Variants in SSC5D observed in about 807,000 individuals in gnomAD.
SSC5D encodes soluble scavenger receptor cysteine-rich domain-containing protein SSC5D.
A neutral mutation model predicts 104.6 loss-of-function variants in SSC5D; 106 were observed. That is an observed-to-expected ratio of 1.01 (90% CI 0.87 to 1.19). The LOEUF (loss-of-function observed/expected upper bound fraction) is 1.19. SSC5D is among the 50% of genes most tolerant of loss of function. The pLI, the probability that SSC5D is intolerant of heterozygous loss-of-function variation, is 0.00. For missense variants in SSC5D, 1,993 were observed against 2,153.8 expected (o/e 0.93, Z 1.48); for synonymous variants, 860 against 883.5 (o/e 0.97, Z 0.47).
At chr19:55,491,454 A>G in intron 6 of SSC5D, 1 of 210,394 alleles carries the variant, frequency 4.8e-6, no homozygotes, top group South Asian at 1.0e-4. Context: ...CGGGCTGGCC[A>G]TGGCAGGGGA....
chr19:55,493,921 G>C lies in SSC5D; in HGVS notation c.1213+9G>C. On this transcript the variant is annotated intron_variant, in intron 7 of 13. Transcript: ENST00000389623. ...CGGGGCCGTGTGTGACGGTGAGGGG[G>C]TTGTGGTGGAGGACCGGGAGGTGGG... 6.5e-7 allele frequency: 1 copy of C among 1,539,350 alleles called. No individual in the cohort carries two copies. Among genetic ancestry groups the C allele is most frequent in the Non-Finnish European group, 8.7e-7 (1 of 1,145,708 alleles).
intron 12 of SSC5D, among the ~76,000 whole-genome samples, chr19:55,501,471 G>A (rs1987502768): frequency 1.3e-5 from 2 of 152,124 alleles, no homozygotes; most frequent in South Asian, 2.1e-4. Flanking sequence ...CAATATGCAA[G>A]CCTGGGGCCC....
rs984558636 is a variant in SSC5D at position 55,493,683 on chromosome 19, G to A, written c.984G>A (p.Val328=). 3.3e-6 allele frequency: 5 copies of A among 1,511,606 alleles called. No homozygotes were observed. The highest frequency in any genetic ancestry group is 2.8e-5 in the African/African-American group (2 of 70,538). 93.6% of individuals were successfully genotyped at this position (1,511,606 alleles called of 1,614,324 possible). A position where few individuals can be genotyped will look rare whatever the true frequency, so the allele number is the denominator to read the frequency against. Reference sequence around the variant, plus strand: ...GGCACGGGGGTCGCTGGGGGTCGGTGTGTGACGACGCCTGGGACCTGCGAG... The same window carrying A: ...GGCACGGGGGTCGCTGGGGGTCGGTATGTGACGACGCCTGGGACCTGCGAG... ...EVWHGGRWGS[V]CDDAWDLRDA... is the part of the protein sequence containing the mutation. Residue 328 remains valine (V), a synonymous_variant, in exon 7 of 14, where the codon GTG becomes GTA. Transcript: ENST00000389623.
intron 9 of SSC5D, among the ~76,000 whole-genome samples, chr19:55,499,091 C>T (rs575481946): frequency 7.9e-5 from 12 of 152,172 alleles, no homozygotes; most frequent in Non-Finnish European, 1.6e-4. Flanking sequence ...GACTTGGCCA[C>T]GTACATGTGG....
rs1200307114 is a variant in SSC5D, at chr19:55,518,135, C to G, written c.3859C>G (p.Pro1287Ala). The G allele has an allele frequency of 7.2e-7, 1 of 1,398,080 alleles. No individual in the cohort carries two copies. The highest frequency in any genetic ancestry group is 9.6e-7 in the Non-Finnish European group (1 of 1,043,772). 86.6% of individuals were successfully genotyped at this position (1,398,080 alleles called of 1,614,324 possible). The part of the protein sequence containing the change: ...PTTTPHPTTT[P>A]HPTTTPHPTT... ...CACGACCCCTCACCCCACCACGACT[C>G]CTCACCCCACCACAACCCCTCACCC... Residue 1287 changes from proline (P) to alanine (A), a missense_variant, in exon 14 of 14, where the codon CCT becomes GCT. Pro to Ala is a conservative substitution (Grantham distance 27, BLOSUM62 -1). Coordinates refer to ENST00000389623, the MANE Select transcript of SSC5D (RefSeq NM_001144950.2).
At chr19:55,489,692 G>A (rs1987077350) in intron 3 of SSC5D, 30 bp downstream of exon 3, 1 of 1,523,602 alleles carries the variant, frequency 6.6e-7, no homozygotes, top group Non-Finnish European at 8.8e-7. Context: ...TCCTTCAGGG[G>A]GAGCTCCTTT....
intron 12 of SSC5D, 75 bp from the exon 13 acceptor site, chr19:55,512,936 C>A: frequency 6.5e-7 from 1 of 1,532,818 alleles, no homozygotes; most frequent in East Asian, 2.5e-5. Flanking sequence ...TGGGGCTGGC[C>A]CAGGAGGAGA....
intron 6 of SSC5D, 198 bp downstream of exon 6, chr19:55,491,278 G>A (rs1373435134): frequency 1.6e-6 from 1 of 642,114 alleles, no homozygotes; most frequent in South Asian, 2.0e-5. Context: ...GGAATGGGAG[G>A]AGCAGGCTTG....
chr19:55,513,597 G>A (rs1987806476), intron 13 of SSC5D, among the ~76,000 whole-genome samples: 1 of 152,154 alleles, frequency 6.6e-6, no homozygotes, highest in Non-Finnish European at 1.5e-5. Context: ...GAACCAAGAG[G>A]TTATTATCTA....
Position 55,488,484 on chromosome 19 carries a change from G to A in SSC5D, c.-106G>A, listed in dbSNP as rs542803246. On this transcript the variant is annotated 5_prime_UTR_variant, in exon 1 of 14. Transcript: ENST00000389623. ...TGCCTGCTCCTCCTCGGGCCTGGGC[G>A]CCTCCAGCAGGCACTTCCCTCCCTC... 49 of 1,035,222 alleles carry A rather than the reference G, an allele frequency of 4.7e-5. No individual in the cohort carries two copies. The highest frequency in any genetic ancestry group is 5.8e-5 in the Non-Finnish European group (40 of 689,298). The allele number at this position is 1,035,222 out of a possible 1,614,324, so 64.1% of individuals were successfully genotyped here.
At chr19:55,493,032 C>A (rs753921474) in intron 6 of SSC5D, among the ~76,000 whole-genome samples, 14 of 151,710 alleles carry the variant, frequency 9.2e-5, no homozygotes, top group Admixed American at 4.6e-4. Context: ...CCCCTCCCCC[C>A]AAAAATAAAA....
At chr19:55,507,363 G>A (rs796247768) in intron 12 of SSC5D, among the ~76,000 whole-genome samples, 1,368 of 119,882 alleles carry the variant, frequency 0.011, 32 homozygotes, top group African/African-American at 0.045. Flanking sequence ...AAAAAAAAAA[G>A]GATGGTTAAG....
At position 55,501,047 on chromosome 19, in the gene SSC5D, T is replaced by C; in HGVS notation, c.2631T>C (p.Tyr877=). 6.4e-7 allele frequency: 1 copy of C among 1,551,922 alleles called. No homozygotes were observed. Among genetic ancestry groups the C allele is most frequent in the Non-Finnish European group, 8.7e-7 (1 of 1,147,002 alleles). Residue 877 remains tyrosine, a synonymous_variant, in exon 12 of 14, where the codon TAT becomes TAC. Transcript: ENST00000389623. ...ATTTCTCCAAAGGCTACACAGACTA[T>C]GACGATTATCCCCCCTGGACCTGGG... The part of the protein sequence containing the change: ...VGLTCTGYTD[Y]DDYPPWTWDP...
chr19:55,501,232 G>A (rs1383916727), intron 12 of SSC5D, 31 bp downstream of exon 12: 10 of 1,477,636 alleles, frequency 6.8e-6, no homozygotes, highest in Non-Finnish European at 9.0e-6. Context: ...GGCCATGGAG[G>A]GCCTCCATAA....
chr19:55,509,564 T>C (rs1029624504), intron 12 of SSC5D, among the ~76,000 whole-genome samples: 52 of 34,654 alleles, frequency 1.5e-3, no homozygotes, highest in Non-Finnish European at 2.8e-3. Context: ...ATCTTTTTAT[T>C]CTTTTTTTTT....
intron 8 of SSC5D, among the ~76,000 whole-genome samples, chr19:55,497,069 C>T (rs1025171134): frequency 6.6e-6 from 1 of 152,230 alleles, no homozygotes; most frequent in Non-Finnish European, 1.5e-5. Context: ...CCTGCTGCTC[C>T]CTGTCTTTTA....
intron 6 of SSC5D, chr19:55,491,792 CT>C (rs201231537): frequency 0.017 from 2,640 of 152,724 alleles, 32 homozygotes; most frequent in Middle Eastern, 0.054. Flanking sequence ...CTTCCTCCCT[CT>C]TTCCCTTTCT....
rs1987581474 is a variant in SSC5D at position 55,504,080 on chromosome 19, T to C, written c.2785+2879T>C. On this transcript the variant is annotated intron_variant, in intron 12 of 13. Coordinates refer to ENST00000389623, the MANE Select transcript of SSC5D (RefSeq NM_001144950.2). ...CGCCGTGACTTGGGGGTGGGTGGGC[T>C]CCAGCTGTGAGTTAGAGCTATCATT... 5 of 1,528,766 alleles carry C rather than the reference T, an allele frequency of 3.3e-6. No homozygotes were observed. The South Asian group carries it at 3.6e-5, about 11-fold the overall frequency. 94.7% of individuals were successfully genotyped at this position (1,528,766 alleles called of 1,614,324 possible).
At chr19:55,515,787 A>T (rs1987860267) in intron 13 of SSC5D, among the ~76,000 whole-genome samples, 1 of 152,138 alleles carries the variant, frequency 6.6e-6, no homozygotes, top group African/African-American at 2.4e-5. Flanking sequence ...TCTCATTCAC[A>T]CTGGCCGCAT....
Sources: gnomAD v4.1 joint callset for allele counts (sites outside exome capture counted in the v4.1 genomes callset) on GRCh38, gnomAD v4.1.1 for gene constraint, MANE v1.5 for transcripts, NCBI Gene and HGNC (gene_info 2026-07-23, HGNC 2026-07-21) for gene names.